Variants in CHST11 observed in about 807,000 individuals in gnomAD.
CHST11 encodes carbohydrate sulfotransferase 11.
Under a neutral mutation model 30.4 loss-of-function variants are expected in CHST11, and 9 were observed. The ratio of observed to expected loss-of-function variants is 0.30; its 90% CI spans 0.18 to 0.52. The LOEUF is 0.52. Ranked by LOEUF, CHST11 falls within the 20% of genes least tolerant of loss-of-function variation. The pLI is 0.97. For missense variants in CHST11, 348 were observed against 460.6 expected, an observed-to-expected ratio of 0.76 and a Z score of 2.24; for synonymous variants, 152 against 187.8, an observed-to-expected ratio of 0.81 and a Z score of 1.56.
At chr12:104,699,916 C>T (rs747994539) in intron 2 of CHST11, among the ~76,000 whole-genome samples, 1 of 152,166 alleles carries the variant, frequency 6.6e-6, no homozygotes, top group African/African-American at 2.4e-5. Flanking sequence ...TCTTCTTTTG[C>T]AATCCTTCCC....
chr12:104,619,675 T>A lies in CHST11; in HGVS notation c.204+17684T>A, dbSNP rs571885153. Among the ~76,000 whole-genome samples the A allele has an allele frequency of 1.2e-3, 189 of 152,274 alleles. 2 individuals are homozygous for A. The highest frequency in any genetic ancestry group is 0.011 in the Admixed American group (166 of 15,298). On this transcript the variant is annotated intron_variant, in intron 2 of 2. Transcript: ENST00000303694. ...CACTGGGAGAGGCTGGAGTGGGGGC[T>A]GCTTATCTGGGGGCTGCCCATTTTG...
rs574134201 is a variant in CHST11 at position 104,457,259 on chromosome 12, G to C, written c.-153G>C. ...CACCCCTGCCCGGGCTGGGGGCTCC[G>C]AGAGCGGCCGCGAAGCGACTCCGAT... is the stretch of plus-strand genomic sequence containing the variant. On this transcript the variant is annotated 5_prime_UTR_variant, in exon 1 of 3. Transcript: ENST00000303694. 5.1e-6 allele frequency: 3 copies of C among 590,434 alleles called. No individual in the cohort carries two copies. The highest frequency in any genetic ancestry group is 5.6e-5 in the East Asian group (2 of 35,636). The allele number at this position is 590,434 out of a possible 1,614,324, so 36.6% of individuals were successfully genotyped here. A position where few individuals can be genotyped will look rare whatever the true frequency, so the allele number is the denominator to read the frequency against.
intron 2 of CHST11, among the ~76,000 whole-genome samples, chr12:104,643,423 G>C (rs936006791): frequency 1.3e-5 from 2 of 152,168 alleles, no homozygotes; most frequent in Non-Finnish European, 2.9e-5. Flanking sequence ...GGTTAGATAC[G>C]TCAGATGCAG....
chr12:104,739,721 C>G (rs1391404616), intron 2 of CHST11, among the ~76,000 whole-genome samples: 1 of 152,210 alleles, frequency 6.6e-6, no homozygotes, highest in Non-Finnish European at 1.5e-5. Context: ...ACAGTAAGTT[C>G]TTTGCAGACT....
Position 104,676,332 on chromosome 12 carries a change from A to G in CHST11, c.204+74341A>G, listed in dbSNP as rs1380476931. Reference sequence around the variant, plus strand: ...AATCTGTCCCTTGCCTTTTTTAGCTATTAGATGCCTTCTGAATTTTTTGGC... The same window carrying G: ...AATCTGTCCCTTGCCTTTTTTAGCTGTTAGATGCCTTCTGAATTTTTTGGC... On this transcript the variant is annotated intron_variant, in intron 2 of 2. Transcript: ENST00000303694. The surrounding 1 kb of genome is among the most constrained non-coding windows in gnomAD (Gnocchi z 4.4). 6.6e-6 allele frequency among the ~76,000 whole-genome samples: 1 copy of G among 152,140 alleles called. No individual in the cohort carries two copies. The highest frequency in any genetic ancestry group is 1.5e-5 in the Non-Finnish European group (1 of 68,016).
At chr12:104,610,095 G>GTGTC (rs2039045981) in intron 2 of CHST11, among the ~76,000 whole-genome samples, 1 of 107,870 alleles carries the variant, frequency 9.3e-6, no homozygotes, top group Non-Finnish European at 2.0e-5. Flanking sequence ...GTGTGTGTGT[G>GTGTC]TCTGTGGTAT....
intron 1 of CHST11, among the ~76,000 whole-genome samples, chr12:104,504,965 T>C (rs545636447): frequency 3.9e-4 from 59 of 152,328 alleles, no homozygotes; most frequent in South Asian, 8.3e-4. Context: ...AGTCCAGCCT[T>C]GCACTGGTGC....
chr12:104,531,871 T>C (rs886837195), intron 1 of CHST11, among the ~76,000 whole-genome samples: 2 of 152,230 alleles, frequency 1.3e-5, no homozygotes, highest in African/African-American at 4.8e-5. Flanking sequence ...GACCAGACCA[T>C]GACTATGGTT....
chr12:104,597,535 C>T (rs956976810), intron 1 of CHST11, among the ~76,000 whole-genome samples: 3 of 152,152 alleles, frequency 2.0e-5, no homozygotes, highest in Non-Finnish European at 4.4e-5. Context: ...ATAGCAAGAA[C>T]CAAACCTCTC....
Position 104,676,927 on chromosome 12 carries a change from A to G in CHST11, c.204+74936A>G, listed in dbSNP as rs1474447289. 2.0e-5 allele frequency among the ~76,000 whole-genome samples: 3 copies of G among 152,104 alleles called. No individual in the cohort carries two copies. The highest frequency in any genetic ancestry group is 4.4e-5 in the Non-Finnish European group (3 of 68,004). ...AGGGTGCTGGCACATTCTTGTTTCTATAGGGGCTGTGTGGTGTGGGCCCCA... is the reference window on the plus strand; with the variant it reads ...AGGGTGCTGGCACATTCTTGTTTCTGTAGGGGCTGTGTGGTGTGGGCCCCA... On this transcript the variant is annotated intron_variant, in intron 2 of 2. Coordinates refer to ENST00000303694, the MANE Select transcript of CHST11 (RefSeq NM_018413.6). This position sits in a 1 kb window ranked among gnomAD's most constrained non-coding sequence, Gnocchi z 4.4.
intron 1 of CHST11, among the ~76,000 whole-genome samples, chr12:104,542,356 G>A (rs1000237087): frequency 6.6e-6 from 1 of 152,172 alleles, no homozygotes; most frequent in South Asian, 2.1e-4. Context: ...AACAACTCAC[G>A]TGTCCATCGA....
chr12:104,682,219 A>T (rs184974789), intron 2 of CHST11, among the ~76,000 whole-genome samples: 1 of 152,232 alleles, frequency 6.6e-6, no homozygotes, highest in Admixed American at 6.5e-5. Context: ...TACTGGAAGT[A>T]TATATGTTGT....
chr12:104,626,162 C>CT (rs2039213075), intron 2 of CHST11, among the ~76,000 whole-genome samples: 1 of 152,112 alleles, frequency 6.6e-6, no homozygotes, highest in African/African-American at 2.4e-5. Context: ...CTGTGGGTTC[C>CT]TTTTACAATG....
chr12:104,644,054 C>T (rs1032081072), intron 2 of CHST11, among the ~76,000 whole-genome samples: 1 of 152,192 alleles, frequency 6.6e-6, no homozygotes, highest in African/African-American at 2.4e-5. Context: ...ACGGTTTCTG[C>T]AAGGAGCTGT....
chr12:104,587,827 GTTTGTTT>G (rs67468044), intron 1 of CHST11, among the ~76,000 whole-genome samples: 78,785 of 135,396 alleles, frequency 0.58, 22,214 homozygotes, highest in African/African-American at 0.72. Flanking sequence ...TAGAGATTAA[GTTTGTTT>G]TTTGTTTTTT....
At chr12:104,738,734 CTG>C (rs2040322654) in intron 2 of CHST11, among the ~76,000 whole-genome samples, 1 of 152,236 alleles carries the variant, frequency 6.6e-6, no homozygotes, top group African/African-American at 2.4e-5. Flanking sequence ...GGTGCTAGAT[CTG>C]GGAATCTGAC....
chr12:104,492,787 A>AT (rs2037759590), intron 1 of CHST11, among the ~76,000 whole-genome samples: 1 of 152,196 alleles, frequency 6.6e-6, no homozygotes, highest in Admixed American at 6.5e-5. Flanking sequence ...TAATCCTAGC[A>AT]TTTTGGGAGA....
At chr12:104,524,979 C>T (rs75415741) in intron 1 of CHST11, among the ~76,000 whole-genome samples, 1,989 of 152,048 alleles carry the variant, frequency 0.013, 28 homozygotes, top group Middle Eastern at 0.024. Context: ...TTGCATAACT[C>T]GGCATAGTGT....
intron 2 of CHST11, among the ~76,000 whole-genome samples, chr12:104,670,758 A>T (rs2039687896): frequency 6.7e-6 from 1 of 148,616 alleles, no homozygotes; most frequent in African/African-American, 2.5e-5. Flanking sequence ...CCCCTCACAT[A>T]CACAAACCAA....
Sources: gnomAD v4.1 joint callset for allele counts (sites outside exome capture counted in the v4.1 genomes callset) on GRCh38, gnomAD v4.1.1 for gene constraint, Gnocchi (gnomAD v3.1) non-coding constraint, MANE v1.5 for transcripts, NCBI Gene and HGNC (gene_info 2026-07-23, HGNC 2026-07-21) for gene names.